The following HGF variants were observed in gnomAD, a reference collection of about 807,000 sequenced individuals.
HGF encodes the protein hepatocyte growth factor, also known as fibroblast-derived tumor cytotoxic factor.
Under a neutral mutation model 111.6 loss-of-function variants are expected in HGF, and 39 were observed. The observed-to-expected ratio is 0.35, with a 90% CI of 0.27 to 0.46. The LOEUF (loss-of-function observed/expected upper bound fraction) is 0.46, where lower values mean the gene tolerates loss of function less well. HGF is among the 20% of genes least tolerant of loss of function. The pLI is 1.00. For synonymous variants in HGF, 285 were observed against 294.8 expected, an observed-to-expected ratio of 0.97 and a Z score of 0.34; for missense variants, 735 against 910.5, an observed-to-expected ratio of 0.81 and a Z score of 2.48.
At chr7:81,762,944 T>A (rs2116242385) in intron 1 of HGF, 72 bp from the exon 2 acceptor site, 6 of 896,652 alleles carry the variant, frequency 6.7e-6, no homozygotes, top group Non-Finnish European at 1.1e-5. Context: ...ATAAAAAAAA[T>A]CCTAAGGATC....
intron 5 of HGF, among the ~76,000 whole-genome samples, chr7:81,747,115 G>A (rs1788290574): frequency 6.6e-6 from 1 of 152,176 alleles, no homozygotes; most frequent in Non-Finnish European, 1.5e-5. Context: ...AAGATGGGCG[G>A]ATCACGAGGT....
chr7:81,762,702 C>T lies in HGF; in HGVS notation c.254+5G>A. 6.3e-7 allele frequency: 1 copy of T among 1,598,750 alleles called. No individual in the cohort carries two copies. The highest frequency in any genetic ancestry group is 1.1e-5 in the South Asian group (1 of 90,776). Reference sequence around the variant, plus strand: ...TTATTCTAAGAAGAAAATGAAGTAACTTACTTGCAAGTGAATGGAAGTCCT... The same window carrying T: ...TTATTCTAAGAAGAAAATGAAGTAATTTACTTGCAAGTGAATGGAAGTCCT... On this transcript the variant is annotated splice_donor_5th_base_variant and intron_variant, in intron 2 of 17. Coordinates refer to ENST00000222390, the MANE Select transcript of HGF (RefSeq NM_000601.6).
At chr7:81,719,814 T>C (rs937911012) in intron 10 of HGF, among the ~76,000 whole-genome samples, 9 of 152,104 alleles carry the variant, frequency 5.9e-5, no homozygotes, top group African/African-American at 2.2e-4. Flanking sequence ...TGGAAGAGAA[T>C]AAGGAACTTA....
chr7:81,710,552 C>T (rs1789546882), intron 12 of HGF, among the ~76,000 whole-genome samples: 1 of 152,096 alleles, frequency 6.6e-6, no homozygotes, highest in Non-Finnish European at 1.5e-5. Flanking sequence ...TCTAATCCCT[C>T]ACCACCCTCA....
At chr7:81,727,189 T>C (rs569140150) in intron 8 of HGF, among the ~76,000 whole-genome samples, 50 of 145,208 alleles carry the variant, frequency 3.4e-4, no homozygotes, top group Non-Finnish European at 5.1e-4. Flanking sequence ...TACAGGTGCC[T>C]GCCACCACGC....
In HGF at chr7:81,699,826, A is replaced by G. The variant is rs1180935434; in HGVS notation, c.*2755T>C. ...CCTTCCAGTGTCTCACACTTCCCATAATTTGAAACACTTAGATAGCAAGCA... is the reference window on the plus strand; with the variant it reads ...CCTTCCAGTGTCTCACACTTCCCATGATTTGAAACACTTAGATAGCAAGCA... On this transcript the variant is annotated 3_prime_UTR_variant, in exon 18 of 18. Transcript: ENST00000222390. 6.6e-6 allele frequency: 1 copy of G among 151,582 alleles called. No individual in the cohort carries two copies. The highest frequency in any genetic ancestry group is 1.5e-5 in the Non-Finnish European group (1 of 67,696). 9.4% of individuals were successfully genotyped at this position (151,582 alleles called of 1,614,324 possible). A position where few individuals can be genotyped will look rare whatever the true frequency, so the allele number is the denominator to read the frequency against.
chr7:81,736,495 C>G (rs562537056), intron 7 of HGF, among the ~76,000 whole-genome samples: 4 of 152,004 alleles, frequency 2.6e-5, no homozygotes, highest in Non-Finnish European at 4.4e-5. Flanking sequence ...TTGTTAATCT[C>G]TTATTGTGCC....
At chr7:81,719,036 A>G (rs908940128) in intron 10 of HGF, among the ~76,000 whole-genome samples, 1 of 152,190 alleles carries the variant, frequency 6.6e-6, no homozygotes, top group Non-Finnish European at 1.5e-5. Context: ...GACTCTCTAT[A>G]TGGTGTTACC....
chr7:81,769,834 A>C, intron 1 of HGF, 50 bp downstream of exon 1: 1 of 1,342,284 alleles, frequency 7.4e-7, no homozygotes, highest in Non-Finnish European at 1.0e-6. Flanking sequence ...GAAGGTTAGC[A>C]GGAGAGTTAA....
At chr7:81,746,820 A>G (rs1788276060) in intron 5 of HGF, among the ~76,000 whole-genome samples, 1 of 152,154 alleles carries the variant, frequency 6.6e-6, no homozygotes, top group South Asian at 2.1e-4. Context: ...TACATGAATG[A>G]AACAGATGGT....
At position 81,754,416 on chromosome 7, in the gene HGF, T is replaced by C. The variant is rs543738422; in HGVS notation, c.483-2154A>G. On this transcript the variant is annotated intron_variant, in intron 4 of 17. Coordinates refer to ENST00000222390, the MANE Select transcript of HGF (RefSeq NM_000601.6). Reference sequence around the variant, plus strand: ...GTGATACACCCATATACCTTTCCAGTGGATTTGTAAAGCCAAAAAAAAGCT... The same window carrying C: ...GTGATACACCCATATACCTTTCCAGCGGATTTGTAAAGCCAAAAAAAAGCT... Among the ~76,000 whole-genome samples the C allele has an allele frequency of 2.0e-5, 3 of 152,048 alleles. No individual in the cohort carries two copies. The East Asian group carries it at 5.8e-4, about 29-fold the overall frequency.
intron 5 of HGF, among the ~76,000 whole-genome samples, chr7:81,745,695 G>A (rs971631314): frequency 6.6e-6 from 1 of 152,164 alleles, no homozygotes; most frequent in Non-Finnish European, 1.5e-5. Context: ...TTCTGTTAGC[G>A]AACATCCATG....
chr7:81,756,503 A>G (rs1788775878), intron 4 of HGF: 1 of 163,010 alleles, frequency 6.1e-6, no homozygotes, highest in Admixed American at 6.1e-5. Context: ...GACGAGCCTA[A>G]GTATATTGTG....
chr7:81,746,545 G>A lies in HGF; in HGVS notation c.626-1425C>T, dbSNP rs184711133. On this transcript the variant is annotated intron_variant, in intron 5 of 17. Transcript: ENST00000222390. Reference sequence around the variant, plus strand: ...AATGATGCAGCATTTATCGTTATTTGTTCCTTCGTGTTGGATGAAATGTAC... The same window carrying A: ...AATGATGCAGCATTTATCGTTATTTATTCCTTCGTGTTGGATGAAATGTAC... 6.6e-5 allele frequency among the ~76,000 whole-genome samples: 10 copies of A among 152,178 alleles called. No individual in the cohort carries two copies. In the East Asian group the frequency reaches 1.9e-3, roughly 29 times the overall value.
chr7:81,763,784 G>A (rs1271928174), intron 1 of HGF, among the ~76,000 whole-genome samples: 1 of 152,074 alleles, frequency 6.6e-6, no homozygotes, highest in Non-Finnish European at 1.5e-5. Context: ...ATGTGCTTGT[G>A]CCCCTCTGCC....
At chr7:81,762,297 A>C (rs1004871187) in intron 2 of HGF, among the ~76,000 whole-genome samples, 1 of 152,202 alleles carries the variant, frequency 6.6e-6, no homozygotes, top group African/African-American at 2.4e-5. Flanking sequence ...AAATGCAATG[A>C]TATAATAAAG....
At position 81,717,234 on chromosome 7, in the gene HGF, C is replaced by G. The variant is rs148293411; in HGVS notation, c.1403G>C (p.Arg468Pro). The change falls in exon 11 of 18, where the codon CGT becomes CCT. Residue 468 changes from arginine (R) to proline (P), a missense_variant and splice_region_variant. This residue lies in a region of HGF where 553 missense variants were observed against 685.6 expected (regional missense o/e 0.81). Coordinates refer to ENST00000222390, the MANE Select transcript of HGF (RefSeq NM_000601.6). ...CACCAATCCCTAACTGTACTTACAA[C>G]GAGAAATAGGGCAATAATCCCAAGG... ...LIPWDYCPIS[R>P]CEGDTTPTIV... is the part of the protein sequence containing the mutation. 3 of 1,613,374 alleles carry G rather than the reference C, an allele frequency of 1.9e-6. No homozygotes were observed. The highest frequency in any genetic ancestry group is 1.7e-5 in the Admixed American group (1 of 60,000).
chr7:81,751,684 A>G, intron 5 of HGF: 1 of 1,028,118 alleles, frequency 9.7e-7, no homozygotes, highest in South Asian at 3.7e-5. Flanking sequence ...GGGTCCATAT[A>G]CCCTTGTCAC....
At chr7:81,760,680 CGTGTGTGTGTGTGTGTGTGTGTGT>C (rs55865050) in intron 2 of HGF, among the ~76,000 whole-genome samples, 1 of 139,484 alleles carries the variant, frequency 7.2e-6, no homozygotes, top group African/African-American at 2.7e-5. Flanking sequence ...TATGTGCGTG[CGTGTGTGTGTGTGTGTGTGTGTGT>C]GTGTGTGTGT....
Sources: allele counts gnomAD v4.1 joint callset (sites outside exome capture counted in the v4.1 genomes callset), GRCh38; gene constraint gnomAD v4.1.1; regional missense constraint gnomAD v4.1.1; transcripts MANE v1.5; gene names NCBI Gene and HGNC (gene_info 2026-07-23, HGNC 2026-07-21).